B4GALT5: variants seen among roughly 807,000 people sequenced by gnomAD.
The protein encoded by B4GALT5 is beta-1,4-galactosyltransferase 5, also known as UDP-Gal:beta-GlcNAc beta-1,4-galactosyltransferase 5.
A neutral mutation model predicts 45.0 loss-of-function variants in B4GALT5; 11 were observed. The observed-to-expected ratio is 0.24, with a 90% CI of 0.15 to 0.40. The LOEUF (loss-of-function observed/expected upper bound fraction) is 0.40, where lower values mean the gene tolerates loss of function less well. Ranked by LOEUF, B4GALT5 falls within the 10% of genes least tolerant of loss-of-function variation. The pLI is 1.00. For missense variants in B4GALT5, 337 were observed against 500.2 expected (o/e 0.67, Z 3.11); for synonymous variants, 185 against 182.9 (o/e 1.01, Z -0.09).
intron 1 of B4GALT5, among the ~76,000 whole-genome samples, chr20:49,710,282 T>G (rs2085902188): frequency 6.6e-6 from 1 of 152,100 alleles, no homozygotes; most frequent in African/African-American, 2.4e-5. Flanking sequence ...GAAAACAGAA[T>G]TGTCATTGGG....
intron 1 of B4GALT5, among the ~76,000 whole-genome samples, chr20:49,664,433 C>G (rs1244362997): frequency 7.4e-6 from 1 of 135,738 alleles, no homozygotes. Context: ...CACACACACA[C>G]ACACACACAC....
intron 1 of B4GALT5, among the ~76,000 whole-genome samples, chr20:49,657,039 A>T (rs914939105): frequency 6.6e-6 from 1 of 151,752 alleles, no homozygotes; most frequent in Admixed American, 6.6e-5. Flanking sequence ...ATTAGTTAAA[A>T]CTTTTTTTTT....
chr20:49,637,508 A>G (rs138375229), intron 7 of B4GALT5, 66 bp from the exon 8 acceptor site: 1 of 1,176,150 alleles, frequency 8.5e-7, no homozygotes, highest in Non-Finnish European at 1.3e-6. Context: ...ACCAAAGCCT[A>G]CAAGACATGT....
chr20:49,643,736 A>C (rs971753854), intron 3 of B4GALT5, 86 bp from the exon 4 acceptor site: 1 of 1,429,370 alleles, frequency 7.0e-7, no homozygotes. Context: ...GGAGAGCGCA[A>C]TGCTTTTTCA....
chr20:49,668,955 T>A (rs1037307902), intron 1 of B4GALT5, among the ~76,000 whole-genome samples: 1 of 152,014 alleles, frequency 6.6e-6, no homozygotes, highest in South Asian at 2.1e-4. Flanking sequence ...TCAACTTCCT[T>A]GGCTCAAGCA....
intron 1 of B4GALT5, among the ~76,000 whole-genome samples, chr20:49,713,203 C>A (rs1032144388): frequency 6.6e-6 from 1 of 151,324 alleles, no homozygotes; most frequent in African/African-American, 2.4e-5. Flanking sequence ...TTCGAGGAGA[C>A]CCCGGGGAAG....
At chr20:49,694,839 T>C (rs996288763) in intron 1 of B4GALT5, among the ~76,000 whole-genome samples, 7 of 149,600 alleles carry the variant, frequency 4.7e-5, no homozygotes, top group African/African-American at 1.7e-4. Flanking sequence ...GACAGACAGA[T>C]ACACACACAC....
At chr20:49,683,617 T>C (rs2085773230) in intron 1 of B4GALT5, among the ~76,000 whole-genome samples, 1 of 151,794 alleles carries the variant, frequency 6.6e-6, no homozygotes, top group Admixed American at 6.6e-5. Context: ...GGTCTTGAAC[T>C]CCTGACCTCA....
chr20:49,654,617 G>T (rs1568719452), intron 2 of B4GALT5, among the ~76,000 whole-genome samples: 1 of 152,178 alleles, frequency 6.6e-6, no homozygotes, highest in Non-Finnish European at 1.5e-5. Context: ...TTTTAAGAGA[G>T]GCAATGTTTT....
chr20:49,681,993 G>A (rs917726777), intron 1 of B4GALT5, among the ~76,000 whole-genome samples: 1 of 152,212 alleles, frequency 6.6e-6, no homozygotes, highest in Non-Finnish European at 1.5e-5. Flanking sequence ...GTCCTTGGGA[G>A]GCTAAAGTGG....
chr20:49,704,484 C>T (rs918490645), intron 1 of B4GALT5, among the ~76,000 whole-genome samples: 1 of 152,024 alleles, frequency 6.6e-6, no homozygotes, highest in African/African-American at 2.4e-5. Flanking sequence ...CTTTGGGAGG[C>T]CGAGGTGGGC....
At chr20:49,643,081 G>A (rs1226619811) in intron 4 of B4GALT5, among the ~76,000 whole-genome samples, 1 of 152,162 alleles carries the variant, frequency 6.6e-6, no homozygotes, top group Non-Finnish European at 1.5e-5. Context: ...CTTCAGCTGG[G>A]GTCACAGCTT....
In B4GALT5 at chr20:49,642,555, G is replaced by T; in HGVS notation, c.519C>A (p.Arg173=). 6.2e-7 allele frequency: 1 copy of T among 1,614,120 alleles called. No homozygotes were observed. Among genetic ancestry groups the T allele is most frequent in the Non-Finnish European group, 8.5e-7 (1 of 1,179,986 alleles). Reference sequence around the variant, plus strand: ...TGAACAGGACTGGGAGGTGCTCGTGGCGGTTCCGGAAGGGGATAAGGATCG... The same window carrying T: ...TGAACAGGACTGGGAGGTGCTCGTGTCGGTTCCGGAAGGGGATAAGGATCG... ...KVAILIPFRN[R]HEHLPVLFRH... Residue 173 remains arginine (R), a synonymous_variant, in exon 5 of 9, where the codon CGC becomes CGA. Transcript: ENST00000371711.
In B4GALT5 at chr20:49,713,278, G is replaced by T. The variant is rs572784883; in HGVS notation, c.115+298C>A. Among the ~76,000 whole-genome samples, 4 of 152,040 alleles carry T rather than the reference G, an allele frequency of 2.6e-5. No homozygotes were observed. The South Asian group carries it at 8.3e-4, about 32-fold the overall frequency. ...GTGGGAGTTCCAGCGAGGCAAGAGC[G>T]GGAAGGGGGTTCCGGAGCAAGGGGC... On this transcript the variant is annotated intron_variant, in intron 1 of 8. Transcript: ENST00000371711.
intron 1 of B4GALT5, among the ~76,000 whole-genome samples, chr20:49,704,984 CA>C (rs1045292487): frequency 6.6e-6 from 1 of 151,474 alleles, no homozygotes; most frequent in Non-Finnish European, 1.5e-5. Context: ...ATTGCTTACT[CA>C]AACTAACAAA....
intron 3 of B4GALT5, 34 bp downstream of exon 3, chr20:49,646,931 A>G: frequency 7.1e-7 from 1 of 1,401,964 alleles, no homozygotes; most frequent in Non-Finnish European, 1.0e-6. Context: ...ATCCATTTTA[A>G]AAGCAGAGGA....
intron 2 of B4GALT5, among the ~76,000 whole-genome samples, chr20:49,648,719 G>A (rs1303398310): frequency 6.6e-6 from 1 of 152,212 alleles, no homozygotes; most frequent in East Asian, 1.9e-4. Context: ...TGAAGAGTGT[G>A]ATGGCAGATG....
intron 1 of B4GALT5, among the ~76,000 whole-genome samples, chr20:49,706,181 G>T (rs1001889138): frequency 7.0e-6 from 1 of 142,130 alleles, no homozygotes; most frequent in African/African-American, 2.6e-5. Context: ...GGCAACAAGA[G>T]AGCGAAACTC....
intron 5 of B4GALT5, among the ~76,000 whole-genome samples, chr20:49,642,212 C>T (rs1231090502): frequency 1.3e-5 from 2 of 152,134 alleles, no homozygotes; most frequent in Non-Finnish European, 2.9e-5. Flanking sequence ...CAGGCACCAA[C>T]AAAACCATAA....
Sources: gnomAD v4.1 joint callset for allele counts (sites outside exome capture counted in the v4.1 genomes callset) on GRCh38, gnomAD v4.1.1 for gene constraint, MANE v1.5 for transcripts, NCBI Gene and HGNC (gene_info 2026-07-23, HGNC 2026-07-21) for gene names.